Variants in CNTN4 observed in about 807,000 individuals in gnomAD.
CNTN4 encodes the protein contactin 4.
A neutral mutation model predicts 122.5 loss-of-function variants in CNTN4; 77 were observed. That is an observed-to-expected ratio of 0.63 (90% CI 0.52 to 0.76). CNTN4 has a LOEUF of 0.76. Ranked by LOEUF, CNTN4 falls within the 30% of genes least tolerant of loss-of-function variation. The probability of loss-of-function intolerance (pLI) is 0.00; values close to 1 mark genes in which losing one functional copy is unlikely to be tolerated. For missense variants in CNTN4, 1,256 were observed against 1,259.1 expected, an observed-to-expected ratio of 1.00 and a Z score of 0.04; for synonymous variants, 512 against 447.0, an observed-to-expected ratio of 1.15 and a Z score of -1.83.
chr3:2,654,045 T>G (rs2083473507), intron 4 of CNTN4, among the ~76,000 whole-genome samples: 1 of 152,326 alleles, frequency 6.6e-6, no homozygotes, highest in South Asian at 2.1e-4. Flanking sequence ...TAGACAAAAC[T>G]TAAGTGATGA....
At chr3:2,781,956 C>T (rs976837030) in intron 6 of CNTN4, among the ~76,000 whole-genome samples, 24 of 149,754 alleles carry the variant, frequency 1.6e-4, no homozygotes, top group Non-Finnish European at 3.1e-4. Flanking sequence ...ATCTCCTGAC[C>T]TCGTGATCCC....
intron 3 of CNTN4, among the ~76,000 whole-genome samples, chr3:2,419,026 T>G (rs1183876870): frequency 6.6e-6 from 1 of 152,186 alleles, no homozygotes; most frequent in African/African-American, 2.4e-5. Flanking sequence ...TTATTTAAAA[T>G]TAGCTCCAGG....
intron 3 of CNTN4, among the ~76,000 whole-genome samples, chr3:2,510,572 C>T (rs1004805213): frequency 6.6e-6 from 1 of 152,066 alleles, no homozygotes; most frequent in Non-Finnish European, 1.5e-5. Context: ...CGCTGAGTCT[C>T]CCTTTTTCTA....
chr3:2,822,817 G>A (rs1201180803), intron 7 of CNTN4, among the ~76,000 whole-genome samples: 1 of 152,076 alleles, frequency 6.6e-6, no homozygotes, highest in African/African-American at 2.4e-5. Flanking sequence ...GTCTCTGCTG[G>A]CAGCAGTCAG....
intron 3 of CNTN4, among the ~76,000 whole-genome samples, chr3:2,389,594 T>C (rs572001680): frequency 6.6e-6 from 1 of 152,354 alleles, no homozygotes; most frequent in South Asian, 2.1e-4. Context: ...CTTCCTTTTC[T>C]TTCCTTTTAC....
chr3:2,229,970 A>G (rs906358964), intron 2 of CNTN4, among the ~76,000 whole-genome samples: 1 of 152,052 alleles, frequency 6.6e-6, no homozygotes, highest in Non-Finnish European at 1.5e-5. Context: ...TTATCAGGAA[A>G]CCATCTTCAT....
chr3:2,754,721 T>G (rs1251544780), intron 6 of CNTN4, among the ~76,000 whole-genome samples: 1 of 150,650 alleles, frequency 6.6e-6, no homozygotes, highest in Non-Finnish European at 1.5e-5. Flanking sequence ...ATAAAGTAAC[T>G]CTTCTGCTGT....
chr3:2,804,112 C>T (rs934332079), intron 6 of CNTN4, among the ~76,000 whole-genome samples: 1 of 142,672 alleles, frequency 7.0e-6, no homozygotes, highest in Admixed American at 6.9e-5. Flanking sequence ...TGATAAAAAC[C>T]ATAAAGAAAA....
intron 2 of CNTN4, among the ~76,000 whole-genome samples, chr3:2,220,576 C>G (rs1225857920): frequency 6.6e-6 from 1 of 152,060 alleles, no homozygotes; most frequent in African/African-American, 2.4e-5. Flanking sequence ...TCTATGTTAC[C>G]TCCTTTCAGT....
At chr3:2,528,833 A>G (rs747203468) in intron 3 of CNTN4, among the ~76,000 whole-genome samples, 9 of 151,968 alleles carry the variant, frequency 5.9e-5, no homozygotes, top group Non-Finnish European at 1.3e-4. Flanking sequence ...TTTCACTGAG[A>G]CATAATTATA....
At chr3:3,004,265 A>C (rs1013797896) in intron 14 of CNTN4, among the ~76,000 whole-genome samples, 5 of 152,114 alleles carry the variant, frequency 3.3e-5, no homozygotes, top group Non-Finnish European at 7.4e-5. Flanking sequence ...CTTAGGGGTC[A>C]CCAGCTTTTC....
At chr3:2,326,895 G>A (rs929744867) in intron 2 of CNTN4, among the ~76,000 whole-genome samples, 1 of 152,124 alleles carries the variant, frequency 6.6e-6, no homozygotes, top group Non-Finnish European at 1.5e-5. Context: ...TAACTCCGAG[G>A]CCTATCCTCT....
intron 3 of CNTN4, among the ~76,000 whole-genome samples, chr3:2,428,777 T>C (rs1478619757): frequency 6.6e-6 from 1 of 152,210 alleles, no homozygotes; most frequent in Non-Finnish European, 1.5e-5. Context: ...CGTTTCTTTT[T>C]ACTCTTTTTT....
intron 13 of CNTN4, among the ~76,000 whole-genome samples, chr3:2,981,141 T>C (rs1270466883): frequency 6.6e-6 from 1 of 152,164 alleles, no homozygotes; most frequent in African/African-American, 2.4e-5. Flanking sequence ...TAGGGGCTGC[T>C]TTTCGTTAAA....
chr3:2,446,819 T>C (rs1247648013), intron 3 of CNTN4, among the ~76,000 whole-genome samples: 2 of 152,222 alleles, frequency 1.3e-5, no homozygotes, highest in African/African-American at 4.8e-5. Context: ...CTAAGGCAGG[T>C]TGAGAAAACC....
intron 3 of CNTN4, among the ~76,000 whole-genome samples, chr3:2,348,393 G>C (rs771987885): frequency 6.6e-6 from 1 of 151,996 alleles, no homozygotes; most frequent in Non-Finnish European, 1.5e-5. Context: ...AGGGACTTTA[G>C]ATATATCTCC....
intron 2 of CNTN4, among the ~76,000 whole-genome samples, chr3:2,133,843 C>T (rs765470152): frequency 6.6e-6 from 1 of 152,138 alleles, no homozygotes; most frequent in South Asian, 2.1e-4. Context: ...GGTCCTTTAA[C>T]AATCTTTTGA....
At chr3:2,364,791 AT>A (rs947308500) in intron 3 of CNTN4, among the ~76,000 whole-genome samples, 6 of 152,160 alleles carry the variant, frequency 3.9e-5, no homozygotes, top group African/African-American at 1.4e-4. Flanking sequence ...AAAACATTCT[AT>A]TGTTAAAAAG....
chr3:2,613,727 T>C (rs2081595648), intron 4 of CNTN4, among the ~76,000 whole-genome samples: 1 of 152,178 alleles, frequency 6.6e-6, no homozygotes, highest in African/African-American at 2.4e-5. Flanking sequence ...TTACCAGTTA[T>C]CACTATCGGA....
Sources: allele counts gnomAD v4.1 joint callset (sites outside exome capture counted in the v4.1 genomes callset), GRCh38; gene constraint gnomAD v4.1.1; transcripts MANE v1.5; gene names NCBI Gene and HGNC (gene_info 2026-07-23, HGNC 2026-07-21).